The following CPNE4 variants were observed in gnomAD, a reference collection of about 807,000 sequenced individuals.
The protein encoded by CPNE4 is copine 4.
In CPNE4, 25 loss-of-function variants were observed where a neutral mutation model predicts 67.9. The observed-to-expected ratio is 0.37, with a 90% confidence interval of 0.27 to 0.51. CPNE4 has a LOEUF of 0.51. Among genes scored for constraint, CPNE4 ranks in the 20% least tolerant of loss-of-function variants. The pLI, the probability that CPNE4 is intolerant of heterozygous loss-of-function variation, is 0.93. For missense variants in CPNE4, 464 were observed against 690.8 expected (o/e 0.67, Z 3.68); for synonymous variants, 242 against 244.9 (o/e 0.99, Z 0.11).
chr3:132,019,875 GTGTCTATC>G (rs2073956863), intron 1 of CPNE4, among the ~76,000 whole-genome samples: 2 of 152,148 alleles, frequency 1.3e-5, no homozygotes, highest in African/African-American at 4.8e-5. Context: ...CAACATTCCT[GTGTCTATC>G]TGTCTGTCCG....
At chr3:131,585,481 C>G (rs1938117953) in intron 8 of CPNE4, among the ~76,000 whole-genome samples, 1 of 152,190 alleles carries the variant, frequency 6.6e-6, no homozygotes, top group Admixed American at 6.5e-5. Flanking sequence ...TTCAGAAAAG[C>G]ACATTAGCAT....
chr3:131,669,118 G>A (rs193063451), intron 7 of CPNE4, among the ~76,000 whole-genome samples: 1 of 152,200 alleles, frequency 6.6e-6, no homozygotes, highest in Non-Finnish European at 1.5e-5. Context: ...TGGGGATGAT[G>A]AGAGCCATAT....
intron 1 of CPNE4, among the ~76,000 whole-genome samples, chr3:131,971,393 G>A (rs973818939): frequency 3.3e-5 from 5 of 152,190 alleles, no homozygotes; most frequent in African/African-American, 4.8e-5. Context: ...GTCTCAATGA[G>A]AGTACCAGCA....
At chr3:131,666,017 T>A in intron 7 of CPNE4, among the ~76,000 whole-genome samples, 1 of 152,108 alleles carries the variant, frequency 6.6e-6, no homozygotes, top group East Asian at 1.9e-4. Context: ...AGATAAGTTG[T>A]TTATAAAGCT....
chr3:131,884,451 C>A (rs2087800186), intron 2 of CPNE4, among the ~76,000 whole-genome samples: 1 of 152,142 alleles, frequency 6.6e-6, no homozygotes, highest in South Asian at 2.1e-4. Flanking sequence ...GTACACTAGT[C>A]TCTAGGAAGG....
intron 2 of CPNE4, among the ~76,000 whole-genome samples, chr3:131,796,372 C>A (rs573120432): frequency 1.1e-4 from 16 of 152,226 alleles, no homozygotes; most frequent in African/African-American, 3.9e-4. Context: ...TGGATGAAGT[C>A]GGGTGTCTCA....
chr3:131,988,406 A>G (rs902990960), intron 1 of CPNE4, among the ~76,000 whole-genome samples: 4 of 152,202 alleles, frequency 2.6e-5, no homozygotes, highest in African/African-American at 7.2e-5. Context: ...GCATTTTTAA[A>G]AAGATCACTC....
intron 1 of CPNE4, among the ~76,000 whole-genome samples, 182 bp from the exon 2 acceptor site, chr3:131,905,626 A>G (rs2088718803): frequency 6.6e-6 from 1 of 152,184 alleles, no homozygotes; most frequent in African/African-American, 2.4e-5. Flanking sequence ...AAGGAAACAA[A>G]CAAACAAAAA....
intron 10 of CPNE4, among the ~76,000 whole-genome samples, chr3:131,566,000 T>G (rs1937038469): frequency 1.3e-5 from 2 of 151,952 alleles, no homozygotes; most frequent in East Asian, 3.9e-4. Flanking sequence ...TATTACTCCA[T>G]TTTCATGTGA....
intron 1 of CPNE4, among the ~76,000 whole-genome samples, chr3:131,953,461 A>C (rs1344400228): frequency 2.6e-5 from 4 of 152,084 alleles, no homozygotes; most frequent in Non-Finnish European, 1.5e-5. Flanking sequence ...GCTTTTCTGG[A>C]TATGTTAAAA....
At chr3:131,731,653 T>C (rs931675893) in intron 2 of CPNE4, among the ~76,000 whole-genome samples, 4 of 152,190 alleles carry the variant, frequency 2.6e-5, no homozygotes, top group Non-Finnish European at 4.4e-5. Context: ...ACTGTCCTAG[T>C]GCTGTGTGAT....
intron 2 of CPNE4, among the ~76,000 whole-genome samples, chr3:131,767,694 C>T (rs940472392): frequency 6.6e-6 from 1 of 152,120 alleles, no homozygotes; most frequent in African/African-American, 2.4e-5. Flanking sequence ...AATCTGCTTA[C>T]CATAAGGATA....
At chr3:131,771,263 G>A (rs1352314561) in intron 2 of CPNE4, among the ~76,000 whole-genome samples, 1 of 152,028 alleles carries the variant, frequency 6.6e-6, no homozygotes. Flanking sequence ...GTCTCGCTTT[G>A]TCACCCATAC....
chr3:131,880,357 C>T lies in CPNE4; in HGVS notation c.180+24907G>A, dbSNP rs568145669. Among the ~76,000 whole-genome samples, 175 of 152,184 alleles carry T rather than the reference C, an allele frequency of 1.1e-3. 1 individual carries two copies. The highest frequency in any genetic ancestry group is 4.1e-3 in the African/African-American group (171 of 41,524). On this transcript the variant is annotated intron_variant, in intron 2 of 15. Transcript: ENST00000429747. ...ATCTCGATCTCCTGAGCTCGTGATA[C>T]GCCCGCCCGACCTCCCAAAGTGCTG...
chr3:131,669,874 T>C (rs2080365157), intron 6 of CPNE4, 110 bp from the exon 7 acceptor site: 2 of 859,070 alleles, frequency 2.3e-6, no homozygotes, highest in African/African-American at 1.7e-5. Context: ...AAAAGAACAA[T>C]AGCCTGGAAG....
chr3:131,550,351 T>C (rs1182395465), intron 13 of CPNE4, among the ~76,000 whole-genome samples: 1 of 152,066 alleles, frequency 6.6e-6, no homozygotes, highest in Non-Finnish European at 1.5e-5. Context: ...TTTCATTCGC[T>C]CCTCATAGCA....
rs538922231 is a variant in CPNE4, at chr3:132,027,216, A to T, written c.-2+7351T>A. Reference sequence around the variant, plus strand: ...AGAGGAGAGAGGAGTGTGGTGTGGCATGGGCCAGAGAAGAACCCCAGGCCC... The same window carrying T: ...AGAGGAGAGAGGAGTGTGGTGTGGCTTGGGCCAGAGAAGAACCCCAGGCCC... On this transcript the variant is annotated intron_variant, in intron 1 of 15. Coordinates refer to ENST00000429747, the MANE Select transcript of CPNE4 (RefSeq NM_130808.3). Among the ~76,000 whole-genome samples, 54 of 152,294 alleles carry T rather than the reference A, an allele frequency of 3.5e-4. No homozygotes were observed. The South Asian group carries it at 0.01, about 29-fold the overall frequency.
intron 2 of CPNE4, among the ~76,000 whole-genome samples, chr3:131,829,529 G>A (rs532112948): frequency 3.3e-5 from 5 of 152,214 alleles, no homozygotes; most frequent in African/African-American, 4.8e-5. Flanking sequence ...GTAAATACTT[G>A]TCAAATAAAA....
intron 1 of CPNE4, among the ~76,000 whole-genome samples, chr3:131,935,607 G>A (rs1292525437): frequency 2.6e-5 from 4 of 152,064 alleles, no homozygotes; most frequent in Admixed American, 6.6e-5. Flanking sequence ...ATAGCAGAAG[G>A]CAAGGGGCTA....
Sources: gnomAD v4.1 joint callset for allele counts (sites outside exome capture counted in the v4.1 genomes callset) on GRCh38, gnomAD v4.1.1 for gene constraint, MANE v1.5 for transcripts, NCBI Gene and HGNC (gene_info 2026-07-23, HGNC 2026-07-21) for gene names.